AFTPH: variants seen among roughly 807,000 people sequenced by gnomAD.
The protein encoded by AFTPH is aftiphilin protein.
AFTPH carries 7 observed loss-of-function variants against 72.5 expected under a neutral mutation model. The observed-to-expected ratio is 0.10, with a 90% CI of 0.05 to 0.18. The LOEUF (loss-of-function observed/expected upper bound fraction) is 0.18. AFTPH is among the 10% of genes least tolerant of loss of function. The pLI, the probability that AFTPH is intolerant of heterozygous loss-of-function variation, is 1.00. For missense variants in AFTPH, 979 were observed against 1,060.5 expected (o/e 0.92, Z 1.07); for synonymous variants, 337 against 370.1 (o/e 0.91, Z 1.03).
intron 8 of AFTPH, among the ~76,000 whole-genome samples, chr2:64,589,630 T>G (rs1673702078): frequency 6.6e-6 from 1 of 152,176 alleles, no homozygotes; most frequent in South Asian, 2.1e-4. Context: ...ATATTGCCTC[T>G]GAAATAAGGC....
chr2:64,550,677 GCACACACACACACACACACACACACA>G (rs56139158), intron 1 of AFTPH, among the ~76,000 whole-genome samples: 21 of 130,152 alleles, frequency 1.6e-4, no homozygotes, highest in African/African-American at 2.9e-4. Context: ...CTGTACGCAT[GCACACACACACACACACACACACACA>G]CACACACACA....
chr2:64,574,024 A>T (rs1672622065), intron 6 of AFTPH, among the ~76,000 whole-genome samples: 1 of 152,158 alleles, frequency 6.6e-6, no homozygotes, highest in Non-Finnish European at 1.5e-5. Context: ...TTTTCAGACT[A>T]ATATGTTAAT....
At chr2:64,549,384 G>A (rs944684921) in intron 1 of AFTPH, among the ~76,000 whole-genome samples, 9 of 123,244 alleles carry the variant, frequency 7.3e-5, no homozygotes, top group East Asian at 5.5e-4. Context: ...GCTGTGGCAC[G>A]ATCTCGCCTC....
intron 5 of AFTPH, among the ~76,000 whole-genome samples, chr2:64,570,335 G>A (rs1478482694): frequency 6.6e-6 from 1 of 151,998 alleles, no homozygotes; most frequent in Non-Finnish European, 1.5e-5. Context: ...TACTATAACC[G>A]TTAAATTGGA....
At chr2:64,568,735 G>A (rs543694838) in intron 3 of AFTPH, among the ~76,000 whole-genome samples, 1 of 151,972 alleles carries the variant, frequency 6.6e-6, no homozygotes, top group Non-Finnish European at 1.5e-5. Context: ...TCAGCCTCCC[G>A]AGTAGCTGGG....
At chr2:64,575,289 A>AT (rs1461735026) in intron 6 of AFTPH, among the ~76,000 whole-genome samples, 1 of 152,164 alleles carries the variant, frequency 6.6e-6, no homozygotes, top group Non-Finnish European at 1.5e-5. Context: ...CCATCACAGA[A>AT]TTGTATGGTC....
chr2:64,584,698 G>T (rs1401586117), intron 7 of AFTPH, among the ~76,000 whole-genome samples: 1 of 147,786 alleles, frequency 6.8e-6, no homozygotes, highest in African/African-American at 2.5e-5. Context: ...CCGGGTTCAT[G>T]CCATTCTCCT....
exon 5 of AFTPH, chr2:64,569,645 A>T: frequency 6.2e-7 from 1 of 1,613,792 alleles, no homozygotes. Context: ...AATAAGAAGC[A>T]GCCTGTTATA....
At chr2:64,534,238 AT>A (rs1471529383) in intron 1 of AFTPH, among the ~76,000 whole-genome samples, 1 of 152,190 alleles carries the variant, frequency 6.6e-6, no homozygotes, top group African/African-American at 2.4e-5. Context: ...AATCTGAAGC[AT>A]TGATTTATTT....
Position 64,546,439 on chromosome 2 carries a change from T to G in AFTPH, c.-32-5004T>G, listed in dbSNP as rs114647769. Reference sequence around the variant, plus strand: ...TGTCTAATATATGCCAAAGTCTAAATTGGGTGAGGAATTTAATTAAGGACT... The same window carrying G: ...TGTCTAATATATGCCAAAGTCTAAAGTGGGTGAGGAATTTAATTAAGGACT... On this transcript the variant is annotated intron_variant, in intron 1 of 8. Transcript: ENST00000238856. Among the ~76,000 whole-genome samples the G allele has an allele frequency of 2.4e-3, 371 of 152,186 alleles. 6 individuals carry two copies. The highest frequency in any genetic ancestry group is 8.6e-3 in the African/African-American group (357 of 41,516).
At chr2:64,582,678 A>C (rs1257952873) in intron 7 of AFTPH, among the ~76,000 whole-genome samples, 1 of 152,262 alleles carries the variant, frequency 6.6e-6, no homozygotes, top group Non-Finnish European at 1.5e-5. Context: ...TGTATTCCCA[A>C]GAATTATTAA....
At chr2:64,575,707 G>A (rs1314454633) in intron 6 of AFTPH, among the ~76,000 whole-genome samples, 101 of 1,280 alleles carry the variant, frequency 0.079, 1 homozygote, top group African/African-American at 0.091. Context: ...GTGTATATGT[G>A]TGTGTGTGTG....
chr2:64,552,166 T>G, exon 2 of AFTPH: 6 of 1,614,012 alleles, frequency 3.7e-6, no homozygotes, highest in Non-Finnish European at 5.1e-6. Flanking sequence ...GCTGAGGAAT[T>G]TGCAGATTTT....
At chr2:64,553,719 AC>A (rs1459682334) in intron 2 of AFTPH, among the ~76,000 whole-genome samples, 3 of 141,706 alleles carry the variant, frequency 2.1e-5, no homozygotes, top group African/African-American at 8.0e-5. Context: ...AAAAAAAAAA[AC>A]CCACACTTAT....
chr2:64,541,588 CTTCTTTATG>C (rs1443704836), intron 1 of AFTPH, among the ~76,000 whole-genome samples: 2 of 152,094 alleles, frequency 1.3e-5, no homozygotes, highest in Non-Finnish European at 2.9e-5. Flanking sequence ...CTCTTTTCTA[CTTCTTTATG>C]ACTCAAGCAG....
intron 1 of AFTPH, among the ~76,000 whole-genome samples, chr2:64,544,720 T>A (rs1423975943): frequency 1.3e-5 from 2 of 150,242 alleles, no homozygotes; most frequent in African/African-American, 5.0e-5. Context: ...TTCTTTTAAG[T>A]AGAGTTGGCC....
intron 2 of AFTPH, among the ~76,000 whole-genome samples, chr2:64,555,097 C>A (rs978903673): frequency 6.6e-6 from 1 of 152,150 alleles, no homozygotes; most frequent in East Asian, 1.9e-4. Flanking sequence ...TAGGTTACTT[C>A]TGAATTCAGC....
intron 1 of AFTPH, among the ~76,000 whole-genome samples, chr2:64,537,624 A>T (rs915376479): frequency 2.6e-5 from 4 of 152,174 alleles, no homozygotes; most frequent in African/African-American, 9.7e-5. Flanking sequence ...GAAAGTGAAA[A>T]TTGTTAAAAT....
intron 8 of AFTPH, among the ~76,000 whole-genome samples, chr2:64,588,114 C>T (rs1673617321): frequency 6.6e-6 from 1 of 152,124 alleles, no homozygotes; most frequent in South Asian, 2.1e-4. Flanking sequence ...CTCCTTATCC[C>T]TCTCGTTCCC....
Sources: gnomAD v4.1 joint callset for allele counts (sites outside exome capture counted in the v4.1 genomes callset) on GRCh38, gnomAD v4.1.1 for gene constraint, MANE v1.5 for transcripts, NCBI Gene and HGNC (gene_info 2026-07-23, HGNC 2026-07-21) for gene names.